Variants in XPO4 observed in about 807,000 individuals in gnomAD.
XPO4 encodes the protein exportin 4.
In XPO4, 39 loss-of-function variants were observed where a neutral mutation model predicts 143.0. The observed-to-expected ratio is 0.27, with a 90% CI of 0.21 to 0.36. The LOEUF (loss-of-function observed/expected upper bound fraction) is 0.36, where lower values mean the gene tolerates loss of function less well. XPO4 is among the 10% of genes least tolerant of loss of function. The probability of loss-of-function intolerance (pLI) is 1.00; values close to 1 mark genes in which losing one functional copy is unlikely to be tolerated. For synonymous variants in XPO4, 439 were observed against 474.0 expected, an observed-to-expected ratio of 0.93 and a Z score of 0.96; for missense variants, 907 against 1,348.0, an observed-to-expected ratio of 0.67 and a Z score of 5.12.
chr13:20,778,668 C>T lies in XPO4; in HGVS notation c.*5054G>A, dbSNP rs768325008. ...AATACTGGATATTCTGTGAGTACCA[C>T]GGGTTCTCCCAGAAGGTGATGCAAA... On this transcript the variant is annotated 3_prime_UTR_variant, in exon 23 of 23. Transcript: ENST00000255305. 21 of 152,146 alleles carry T rather than the reference C, an allele frequency of 1.4e-4. No individual in the cohort carries two copies. The highest frequency in any genetic ancestry group is 2.4e-4 in the Non-Finnish European group (16 of 68,018). The allele number at this position is 152,146 out of a possible 1,614,324, so 9.4% of individuals were successfully genotyped here.
At chr13:20,881,482 G>A (rs928331942) in intron 1 of XPO4, among the ~76,000 whole-genome samples, 10 of 152,010 alleles carry the variant, frequency 6.6e-5, no homozygotes, top group Admixed American at 2.0e-4. Flanking sequence ...GTGTTAGCCA[G>A]GATGGCCTCG....
chr13:20,835,832 A>G (rs1487709668), intron 6 of XPO4, among the ~76,000 whole-genome samples: 2 of 152,048 alleles, frequency 1.3e-5, no homozygotes, highest in Non-Finnish European at 2.9e-5. Flanking sequence ...TGAGACAGCA[A>G]GACCAACCCC....
chr13:20,868,806 GC>G, intron 1 of XPO4, 105 bp from the exon 2 acceptor site: 1 of 945,096 alleles, frequency 1.1e-6, no homozygotes. Context: ...CTTTTGGGGG[GC>G]AAGAGGAACA....
chr13:20,890,292 A>G (rs2060499629), intron 1 of XPO4, among the ~76,000 whole-genome samples: 1 of 151,484 alleles, frequency 6.6e-6, no homozygotes, highest in Admixed American at 6.6e-5. Context: ...TCTACAAAAA[A>G]TGCAAAAATT....
At chr13:20,801,423 T>C (rs2059431129) in intron 13 of XPO4, among the ~76,000 whole-genome samples, 1 of 152,232 alleles carries the variant, frequency 6.6e-6, no homozygotes, top group South Asian at 2.1e-4. Flanking sequence ...ATCATGGTCA[T>C]GTTACAGTAC....
At chr13:20,784,944 T>C (rs1037738609) in intron 22 of XPO4, among the ~76,000 whole-genome samples, 2 of 152,052 alleles carry the variant, frequency 1.3e-5, no homozygotes, top group Non-Finnish European at 2.9e-5. Flanking sequence ...CCTGTCTCAC[T>C]GCAACCTCTG....
chr13:20,901,011 G>T (rs1339972735), intron 1 of XPO4, among the ~76,000 whole-genome samples: 5 of 152,172 alleles, frequency 3.3e-5, no homozygotes, highest in Non-Finnish European at 7.3e-5. Context: ...ACATATGACA[G>T]ATGGGGTAGA....
intron 4 of XPO4, chr13:20,851,677 T>G (rs574139): frequency 0.21 from 172,766 of 813,782 alleles, 22,066 homozygotes; most frequent in East Asian, 0.79. Context: ...ACCATTGCCC[T>G]CCAGCCGAGG....
At chr13:20,842,500 A>T (rs1173956664) in intron 6 of XPO4, among the ~76,000 whole-genome samples, 1 of 152,152 alleles carries the variant, frequency 6.6e-6, no homozygotes, top group Non-Finnish European at 1.5e-5. Context: ...AAATTAGAGC[A>T]CTCCAAACTA....
In XPO4 at chr13:20,900,381, C is replaced by CA. The variant is rs1186187921; in HGVS notation, c.69+2288dup. Among the ~76,000 whole-genome samples, 1,149 of 142,186 alleles carry CA rather than the reference C, an allele frequency of 8.1e-3. 6 individuals are homozygous for CA. The highest frequency in any genetic ancestry group is 0.014 in the Admixed American group (194 of 14,296). The allele number at this position is 142,186 out of a possible 152,430, so 93.3% of individuals were successfully genotyped here. ...CCTGGGCAACAGAGTGAGACTTGGTCAAAAAAAAAAGAAGATGAAAGTAAT... is the reference window on the plus strand; with the variant it reads ...CCTGGGCAACAGAGTGAGACTTGGTCAAAAAAAAAAAGAAGATGAAAGTAAT... On this transcript the variant is annotated intron_variant, in intron 1 of 22. Transcript: ENST00000255305.
At chr13:20,786,939 C>A (rs1194829550) in intron 22 of XPO4, 26 bp downstream of exon 22, 1 of 1,531,412 alleles carries the variant, frequency 6.5e-7, no homozygotes. Flanking sequence ...TGAGAAGAGT[C>A]CCCTGAAAAG....
chr13:20,800,098 A>G (rs1344252374), intron 15 of XPO4, 58 bp downstream of exon 15: 1 of 1,582,010 alleles, frequency 6.3e-7, no homozygotes, highest in African/African-American at 1.3e-5. Flanking sequence ...TAAGAAGTGA[A>G]AAAGAGTTTC....
intron 6 of XPO4, among the ~76,000 whole-genome samples, chr13:20,839,513 T>C (rs1326824267): frequency 6.6e-6 from 1 of 152,154 alleles, no homozygotes; most frequent in Non-Finnish European, 1.5e-5. Flanking sequence ...AATGGGTATA[T>C]AGTATAGTGT....
At chr13:20,806,053 G>A in intron 13 of XPO4, among the ~76,000 whole-genome samples, 1 of 151,984 alleles carries the variant, frequency 6.6e-6, no homozygotes, top group Non-Finnish European at 1.5e-5. Context: ...TGATGCTACT[G>A]CCCAAGCAAA....
At chr13:20,847,022 T>C (rs369986570) in intron 4 of XPO4, among the ~76,000 whole-genome samples, 2 of 152,282 alleles carry the variant, frequency 1.3e-5, no homozygotes, top group East Asian at 3.9e-4. Context: ...TAAAATTCAA[T>C]AGGATATTTT....
chr13:20,869,963 G>A (rs1386447341), intron 1 of XPO4, among the ~76,000 whole-genome samples: 3 of 151,638 alleles, frequency 2.0e-5, no homozygotes, highest in Non-Finnish European at 2.9e-5. Context: ...AATATTAGCC[G>A]GGTGTGGTGG....
chr13:20,811,993 T>C (rs2059588807), intron 9 of XPO4, among the ~76,000 whole-genome samples: 1 of 152,186 alleles, frequency 6.6e-6, no homozygotes, highest in Non-Finnish European at 1.5e-5. Context: ...AAATACAAAT[T>C]AGGGCATCGT....
At chr13:20,840,768 T>A (rs1455852272) in intron 6 of XPO4, among the ~76,000 whole-genome samples, 1 of 152,156 alleles carries the variant, frequency 6.6e-6, no homozygotes, top group Admixed American at 6.5e-5. Flanking sequence ...TTAAAGCTAA[T>A]CCACTCAAAG....
intron 1 of XPO4, among the ~76,000 whole-genome samples, chr13:20,876,528 A>G (rs1395174208): frequency 2.0e-5 from 3 of 152,206 alleles, no homozygotes; most frequent in Non-Finnish European, 4.4e-5. Context: ...ATTGTACATA[A>G]TAATAAATTC....
Sources: gnomAD v4.1 joint callset for allele counts (sites outside exome capture counted in the v4.1 genomes callset) on GRCh38, gnomAD v4.1.1 for gene constraint, MANE v1.5 for transcripts, NCBI Gene and HGNC (gene_info 2026-07-23, HGNC 2026-07-21) for gene names.